ATXN1: variants seen among roughly 807,000 people sequenced by gnomAD.
The protein encoded by ATXN1 is ataxin-1.
A neutral mutation model predicts 56.4 loss-of-function variants in ATXN1; 8 were observed. The observed-to-expected ratio is 0.14, with a 90% CI of 0.08 to 0.26. The LOEUF is 0.26. ATXN1 is among the 10% of genes least tolerant of loss of function. The pLI, the probability that ATXN1 is intolerant of heterozygous loss-of-function variation, is 1.00. For synonymous variants in ATXN1, 514 were observed against 494.6 expected (o/e 1.04, Z -0.52); for missense variants, 987 against 1,106.5 (o/e 0.89, Z 1.53).
At chr6:16,632,602 G>A (rs1156415481) in intron 3 of ATXN1, among the ~76,000 whole-genome samples, 3 of 152,018 alleles carry the variant, frequency 2.0e-5, no homozygotes, top group Non-Finnish European at 2.9e-5. Context: ...TAAGGGTCTC[G>A]CTGTCAAGAT....
intron 2 of ATXN1, among the ~76,000 whole-genome samples, chr6:16,733,036 T>C (rs1760026390): frequency 1.3e-5 from 2 of 152,222 alleles, no homozygotes; most frequent in South Asian, 4.1e-4. Context: ...AAACATATTT[T>C]CCAACCGATG....
chr6:16,401,732 G>A (rs1167358122), intron 6 of ATXN1, among the ~76,000 whole-genome samples: 2 of 152,194 alleles, frequency 1.3e-5, no homozygotes, highest in Non-Finnish European at 2.9e-5. Context: ...TATCTCATGA[G>A]TGTAACTGAA....
chr6:16,584,167 C>T (rs1005001677), intron 4 of ATXN1, among the ~76,000 whole-genome samples: 1 of 148,684 alleles, frequency 6.7e-6, no homozygotes, highest in African/African-American at 2.5e-5. Flanking sequence ...TTATCTACAG[C>T]TTTTCCATCA....
intron 4 of ATXN1, among the ~76,000 whole-genome samples, chr6:16,562,457 A>AAAC (rs1561756139): frequency 2.7e-5 from 1 of 37,010 alleles, no homozygotes; most frequent in Non-Finnish European, 1.8e-4. Context: ...AAAGAAAAGG[A>AAAC]GAGGAGAGGA....
At chr6:16,554,657 T>C (rs937795827) in intron 4 of ATXN1, among the ~76,000 whole-genome samples, 1 of 152,184 alleles carries the variant, frequency 6.6e-6, no homozygotes, top group Non-Finnish European at 1.5e-5. Flanking sequence ...TTTCACCATG[T>C]TGGCCAGGCT....
intron 3 of ATXN1, 80 bp from the exon 4 acceptor site, chr6:16,585,987 C>T (rs1042883820): frequency 3.3e-5 from 5 of 151,968 alleles, no homozygotes; most frequent in East Asian, 1.9e-4. Flanking sequence ...GTCACAGAAA[C>T]GGGAAACATC....
At chr6:16,330,390 CTTT>C (rs60608169) in intron 6 of ATXN1, among the ~76,000 whole-genome samples, 6,220 of 119,706 alleles carry the variant, frequency 0.052, 334 homozygotes, top group East Asian at 0.36. Context: ...TCCTTCCTTC[CTTT>C]TTTTTTTTTT....
intron 2 of ATXN1, among the ~76,000 whole-genome samples, chr6:16,707,448 C>A (rs1393805629): frequency 1.3e-5 from 2 of 152,190 alleles, no homozygotes; most frequent in African/African-American, 4.8e-5. Flanking sequence ...CTAACCTGGA[C>A]CCTCCTAAAG....
intron 4 of ATXN1, among the ~76,000 whole-genome samples, chr6:16,537,028 G>A (rs1581829331): frequency 6.7e-6 from 1 of 148,248 alleles, no homozygotes; most frequent in East Asian, 1.9e-4. Flanking sequence ...CTTGGCCTTA[G>A]GAAATGTAAA....
intron 7 of ATXN1, among the ~76,000 whole-genome samples, chr6:16,318,244 T>C (rs1015175065): frequency 2.0e-5 from 3 of 152,330 alleles, no homozygotes; most frequent in African/African-American, 4.8e-5. Flanking sequence ...AGGGCATCTG[T>C]TTTACAAAAC....
intron 6 of ATXN1, among the ~76,000 whole-genome samples, chr6:16,460,166 G>A (rs940425493): frequency 2.0e-5 from 3 of 152,102 alleles, no homozygotes; most frequent in African/African-American, 7.2e-5. Flanking sequence ...TAGTAGAATG[G>A]GAACCAGAGG....
intron 2 of ATXN1, among the ~76,000 whole-genome samples, chr6:16,699,249 C>T (rs1254504926): frequency 1.3e-5 from 2 of 152,238 alleles, no homozygotes; most frequent in African/African-American, 4.8e-5. Context: ...CAAAATGTTG[C>T]TGTCATCCAT....
intron 4 of ATXN1, among the ~76,000 whole-genome samples, chr6:16,535,698 C>G (rs1162917178): frequency 6.6e-6 from 1 of 152,210 alleles, no homozygotes; most frequent in Non-Finnish European, 1.5e-5. Context: ...GGGCTGTGCA[C>G]AGTGACTTCC....
At chr6:16,754,028 G>C (rs1251945625) in intron 1 of ATXN1, 3 of 152,204 alleles carry the variant, frequency 2.0e-5, no homozygotes, top group East Asian at 3.8e-4. Flanking sequence ...AAGAATGAAT[G>C]AATCTTCCAT....
At chr6:16,422,551 C>T (rs941543385) in intron 6 of ATXN1, among the ~76,000 whole-genome samples, 8 of 152,172 alleles carry the variant, frequency 5.3e-5, no homozygotes, top group African/African-American at 1.7e-4. Context: ...AATTCTGCCT[C>T]AGTGAATCCG....
chr6:16,646,269 A>G (rs1392971144), intron 3 of ATXN1, among the ~76,000 whole-genome samples: 7 of 152,178 alleles, frequency 4.6e-5, no homozygotes, highest in African/African-American at 1.7e-4. Context: ...GTGAAAAAGC[A>G]GATAAGTAAA....
intron 3 of ATXN1, among the ~76,000 whole-genome samples, chr6:16,591,235 G>C (rs1762717475): frequency 6.6e-6 from 1 of 152,130 alleles, no homozygotes; most frequent in African/African-American, 2.4e-5. Context: ...GGGACTACAG[G>C]TGTGAGCCAC....
chr6:16,488,569 C>T (rs956440636), intron 5 of ATXN1, among the ~76,000 whole-genome samples: 1 of 152,118 alleles, frequency 6.6e-6, no homozygotes, highest in Admixed American at 6.5e-5. Flanking sequence ...TTTCTTCTTC[C>T]CTATCATCCC....
intron 2 of ATXN1, among the ~76,000 whole-genome samples, chr6:16,713,527 C>T (rs1759570410): frequency 1.3e-5 from 2 of 152,100 alleles, no homozygotes. Flanking sequence ...GAAGAGAGAA[C>T]CAAATATTCC....
Sources: allele counts gnomAD v4.1 joint callset (sites outside exome capture counted in the v4.1 genomes callset), GRCh38; gene constraint gnomAD v4.1.1; transcripts MANE v1.5; gene names NCBI Gene and HGNC (gene_info 2026-07-23, HGNC 2026-07-21).